Variants in TERF2 observed in about 807,000 individuals in gnomAD.
The protein encoded by TERF2 is telomeric repeat-binding factor 2.
TERF2 carries 16 observed loss-of-function variants against 56.1 expected under a neutral mutation model. The observed-to-expected ratio is 0.29, with a 90% CI of 0.19 to 0.43. The LOEUF (loss-of-function observed/expected upper bound fraction) is 0.43. Among genes scored for constraint, TERF2 ranks in the 20% least tolerant of loss-of-function variants. The probability of loss-of-function intolerance (pLI) is 1.00; values close to 1 mark genes in which losing one functional copy is unlikely to be tolerated. For missense variants in TERF2, 547 were observed against 712.9 expected, an observed-to-expected ratio of 0.77 and a Z score of 2.65; for synonymous variants, 296 against 282.1, an observed-to-expected ratio of 1.05 and a Z score of -0.50.
chr16:69,375,741 T>C (rs956604630), intron 3 of TERF2, among the ~76,000 whole-genome samples: 5 of 152,202 alleles, frequency 3.3e-5, no homozygotes, highest in African/African-American at 9.6e-5. Flanking sequence ...TGTGACACCA[T>C]GCCCCACTAT....
chr16:69,357,505 A>T lies in TERF2; in HGVS notation c.1470+13T>A, dbSNP rs112721419. 6.2e-7 allele frequency: 1 copy of T among 1,610,444 alleles called. No individual in the cohort carries two copies. Among genetic ancestry groups the T allele is most frequent in the South Asian group, 1.1e-5 (1 of 90,562 alleles). ...CCACATAACCAGTAACAGAAAAGAG[A>T]ATTTTAAATTACCTGCTTTTTTGTT... On this transcript the variant is annotated intron_variant, in intron 9 of 9. Coordinates refer to ENST00000254942, the MANE Select transcript of TERF2 (RefSeq NM_005652.5).
intron 8 of TERF2, among the ~76,000 whole-genome samples, chr16:69,358,137 C>T (rs766911752): frequency 1.3e-5 from 2 of 152,210 alleles, no homozygotes; most frequent in East Asian, 1.9e-4. Flanking sequence ...CTCAGCCTCC[C>T]GAGTAGCTGG....
intron 7 of TERF2, 108 bp downstream of exon 7, chr16:69,366,699 T>G: frequency 7.2e-7 from 1 of 1,392,514 alleles, no homozygotes; most frequent in Non-Finnish European, 9.6e-7. Flanking sequence ...TGAGCAAGCC[T>G]TGGTGGTGAG....
At chr16:69,373,697 T>A (rs2013660245) in intron 3 of TERF2, among the ~76,000 whole-genome samples, 1 of 152,004 alleles carries the variant, frequency 6.6e-6, no homozygotes, top group South Asian at 2.1e-4. Context: ...CCCAGGCATG[T>A]TGGTGTGTGC....
chr16:69,365,589 T>C (rs535129331), intron 7 of TERF2: 6 of 152,296 alleles, frequency 3.9e-5, no homozygotes, highest in Non-Finnish European at 8.8e-5. Flanking sequence ...AGTGGTGCAA[T>C]CTTGGCTCAC....
chr16:69,376,960 G>T (rs1183156006), intron 3 of TERF2, among the ~76,000 whole-genome samples: 1 of 151,974 alleles, frequency 6.6e-6, no homozygotes, highest in African/African-American at 2.4e-5. Flanking sequence ...CAGCACTCTG[G>T]GAGGCCGACG....
In TERF2 at chr16:69,370,706, A is replaced by T. The variant is rs1406180443; in HGVS notation, c.694-77T>A. On this transcript the variant is annotated intron_variant, in intron 4 of 9. Coordinates refer to ENST00000254942, the MANE Select transcript of TERF2 (RefSeq NM_005652.5). ...ATTCAATGATGATGAGGTGAGACAGACACTATGAGAACTTCTGCAATGCCG... is the reference window on the plus strand; with the variant it reads ...ATTCAATGATGATGAGGTGAGACAGTCACTATGAGAACTTCTGCAATGCCG... 4 of 1,430,008 alleles carry T rather than the reference A, an allele frequency of 2.8e-6. No individual in the cohort carries two copies. The African/African-American group carries it at 4.3e-5, about 15-fold the overall frequency. The allele number at this position is 1,430,008 out of a possible 1,614,324, so 88.6% of individuals were successfully genotyped here.
At chr16:69,370,703 C>A in intron 4 of TERF2, 74 bp from the exon 5 acceptor site, 1 of 1,456,008 alleles carries the variant, frequency 6.9e-7, no homozygotes, top group Non-Finnish European at 9.3e-7. Context: ...TGAGGTGAGA[C>A]AGACACTATG....
intron 6 of TERF2, 102 bp from the exon 7 acceptor site, chr16:69,367,301 G>A: frequency 7.8e-6 from 10 of 1,288,084 alleles, no homozygotes; most frequent in Middle Eastern, 4.5e-4. Flanking sequence ...TTCCAGTTGA[G>A]GAGGCTTTAA....
At chr16:69,360,115 G>A (rs1567443327) in intron 8 of TERF2, among the ~76,000 whole-genome samples, 2 of 151,906 alleles carry the variant, frequency 1.3e-5, no homozygotes, top group Non-Finnish European at 2.9e-5. Flanking sequence ...GGGTCTGGGC[G>A]GTGGCTCACA....
chr16:69,365,503 TGTG>T (rs1438647430), intron 7 of TERF2: 1 of 152,584 alleles, frequency 6.6e-6, no homozygotes, highest in Admixed American at 6.5e-5. Flanking sequence ...GGGAGGAGTC[TGTG>T]GAGGAGGGAG....
rs749952043 is a variant in TERF2 at position 69,385,704 on chromosome 16, G to A, written c.268C>T (p.Leu90=). 17 of 1,601,098 alleles carry A rather than the reference G, an allele frequency of 1.1e-5. No individual in the cohort carries two copies. Among genetic ancestry groups the A allele is most frequent in the Admixed American group, 1.7e-5 (1 of 58,848 alleles). Residue 90 remains leucine (L), a synonymous_variant, in exon 1 of 10, where the codon CTG becomes TTG. Coordinates refer to ENST00000254942, the MANE Select transcript of TERF2 (RefSeq NM_005652.5). ...PAERGAGEAR[L]EEAVNRWVLK... Reference sequence around the variant, plus strand: ...ACCCAGCGATTGACTGCCTCTTCCAGCCGTGCCTCCCCCGCGCCGCGCTCC... The same window carrying A: ...ACCCAGCGATTGACTGCCTCTTCCAACCGTGCCTCCCCCGCGCCGCGCTCC...
intron 3 of TERF2, among the ~76,000 whole-genome samples, chr16:69,380,530 C>A (rs578035451): frequency 1.3e-5 from 2 of 150,880 alleles, no homozygotes; most frequent in African/African-American, 4.9e-5. Flanking sequence ...TGGTGGTGGG[C>A]GCCTGTAATA....
chr16:69,370,747 G>T, intron 4 of TERF2, 118 bp from the exon 5 acceptor site: 1 of 1,009,978 alleles, frequency 9.9e-7, no homozygotes, highest in East Asian at 2.5e-5. Context: ...GCAAATCACT[G>T]GCACACATAC....
At chr16:69,378,816 T>C (rs923369140) in intron 3 of TERF2, among the ~76,000 whole-genome samples, 1 of 152,220 alleles carries the variant, frequency 6.6e-6, no homozygotes, top group Admixed American at 6.5e-5. Flanking sequence ...TCTCCAGAAT[T>C]GGAACACATA....
intron 4 of TERF2, among the ~76,000 whole-genome samples, chr16:69,370,994 TACACAC>T (rs113222809): frequency 5.4e-5 from 8 of 147,678 alleles, no homozygotes; most frequent in African/African-American, 1.2e-4. Context: ...TGGATGTCTG[TACACAC>T]ACACACACAC....
chr16:69,366,762 G>GACC, intron 7 of TERF2, 45 bp downstream of exon 7: 2 of 1,561,510 alleles, frequency 1.3e-6, no homozygotes, highest in South Asian at 2.4e-5. Flanking sequence ...GCCCAACCAG[G>GACC]ACCACCAACC....
At position 69,370,618 on chromosome 16, in the gene TERF2, A is replaced by G. The variant is rs1243965282; in HGVS notation, c.705T>C (p.Asn235=). 6.2e-7 allele frequency: 1 copy of G among 1,609,982 alleles called. No individual in the cohort carries two copies. Among genetic ancestry groups the G allele is most frequent in the South Asian group, 1.1e-5 (1 of 90,382 alleles). The change falls in exon 5 of 10, where the codon AAT becomes AAC. Residue 235 remains asparagine (N), a synonymous_variant. Coordinates refer to ENST00000254942, the MANE Select transcript of TERF2 (RefSeq NM_005652.5). ...SKDPTTQKLR[N]DLLNIIREKN... is the part of the protein sequence containing the mutation. ...TTTCTCGAATAATATTCAGGAGATC[A>G]TTTCTCAGCTTCTACACAATGGACC...
chr16:69,385,562 TCCAA>T, intron 1 of TERF2, 27 bp downstream of exon 1: 1 of 930,746 alleles, frequency 1.1e-6, no homozygotes, highest in Non-Finnish European at 1.6e-6. Context: ...TCCCCGGCGC[TCCAA>T]CCCCCCTCCC....
Sources: gnomAD v4.1 joint callset for allele counts (sites outside exome capture counted in the v4.1 genomes callset) on GRCh38, gnomAD v4.1.1 for gene constraint, MANE v1.5 for transcripts, NCBI Gene and HGNC (gene_info 2026-07-23, HGNC 2026-07-21) for gene names.